The following STEAP1B variants were observed in gnomAD, a reference collection of about 807,000 sequenced individuals.
STEAP1B encodes STEAP family member 1B.
Under a neutral mutation model 27.9 loss-of-function variants are expected in STEAP1B, and 13 were observed. That is an observed-to-expected ratio of 0.47 (90% CI 0.30 to 0.74). The LOEUF is 0.74. STEAP1B is among the 30% of genes least tolerant of loss of function. The pLI, the probability that STEAP1B is intolerant of heterozygous loss-of-function variation, is 0.06. For synonymous variants in STEAP1B, 86 were observed against 107.1 expected, an observed-to-expected ratio of 0.80 and a Z score of 1.22; for missense variants, 250 against 298.7, an observed-to-expected ratio of 0.84 and a Z score of 1.20.
At chr7:22,439,049 G>C (rs1213842848) in intron 4 of STEAP1B, among the ~76,000 whole-genome samples, 2 of 152,128 alleles carry the variant, frequency 1.3e-5, no homozygotes, top group African/African-American at 4.8e-5. Flanking sequence ...AATGTTTGAT[G>C]ACATTTACTA....
At chr7:22,485,529 C>CT (rs1245440182) in intron 4 of STEAP1B, among the ~76,000 whole-genome samples, 1 of 152,154 alleles carries the variant, frequency 6.6e-6, no homozygotes, top group Non-Finnish European at 1.5e-5. Context: ...CACTCTGTTG[C>CT]TAAGGCTAGA....
intron 1 of STEAP1B, among the ~76,000 whole-genome samples, chr7:22,497,291 T>C (rs922838810): frequency 6.6e-6 from 1 of 152,206 alleles, no homozygotes; most frequent in African/African-American, 2.4e-5. Context: ...AAGCCTGCCA[T>C]GCTTTTTTCT....
At chr7:22,471,793 C>T (rs1002656472) in intron 4 of STEAP1B, among the ~76,000 whole-genome samples, 15 of 149,198 alleles carry the variant, frequency 1.0e-4, no homozygotes, top group African/African-American at 3.7e-4. Flanking sequence ...GTCCCAGCTA[C>T]TCAGGAAGCA....
chr7:22,454,479 A>G (rs757171399), intron 4 of STEAP1B, among the ~76,000 whole-genome samples: 16 of 152,086 alleles, frequency 1.1e-4, no homozygotes, highest in Non-Finnish European at 2.2e-4. Flanking sequence ...TGTACCTGAG[A>G]CACTTACTAC....
At chr7:22,478,362 G>A (rs1001535643) in intron 4 of STEAP1B, among the ~76,000 whole-genome samples, 11 of 152,146 alleles carry the variant, frequency 7.2e-5, no homozygotes, top group Non-Finnish European at 1.3e-4. Flanking sequence ...TCAGCCTACC[G>A]CTCCAAGATA....
intron 4 of STEAP1B, among the ~76,000 whole-genome samples, chr7:22,432,820 T>C (rs1486557434): frequency 6.6e-6 from 1 of 152,114 alleles, no homozygotes; most frequent in Admixed American, 6.6e-5. Flanking sequence ...ACAGCAAATG[T>C]GTACCATGAT....
At chr7:22,450,792 T>C (rs1785474884) in intron 4 of STEAP1B, among the ~76,000 whole-genome samples, 1 of 152,208 alleles carries the variant, frequency 6.6e-6, no homozygotes, top group African/African-American at 2.4e-5. Flanking sequence ...ATTGAATATT[T>C]TTCTATTTTG....
chr7:22,480,041 A>T (rs1278143712), intron 4 of STEAP1B, among the ~76,000 whole-genome samples: 2 of 152,212 alleles, frequency 1.3e-5, no homozygotes, highest in Non-Finnish European at 2.9e-5. Context: ...TGGGCAGAGC[A>T]GACAGAGGAC....
intron 4 of STEAP1B, among the ~76,000 whole-genome samples, chr7:22,459,867 C>T (rs75198623): frequency 0.03 from 4,526 of 152,318 alleles, 149 homozygotes; most frequent in Admixed American, 0.088. Flanking sequence ...GCAGGCAATT[C>T]TCTTTCCATT....
At chr7:22,461,853 G>A (rs148002516) in intron 4 of STEAP1B, among the ~76,000 whole-genome samples, 2 of 152,278 alleles carry the variant, frequency 1.3e-5, no homozygotes, top group Non-Finnish European at 2.9e-5. Flanking sequence ...GTGTTAAGTC[G>A]TTGGAACCTC....
chr7:22,487,729 T>G (rs1209427564), intron 4 of STEAP1B, among the ~76,000 whole-genome samples: 4 of 141,354 alleles, frequency 2.8e-5, no homozygotes, highest in Non-Finnish European at 6.0e-5. Context: ...CACTTGAACC[T>G]GGGAGGCGGA....
intron 4 of STEAP1B, among the ~76,000 whole-genome samples, chr7:22,444,184 C>A (rs760979412): frequency 3.9e-5 from 6 of 152,220 alleles, no homozygotes; most frequent in Non-Finnish European, 7.3e-5. Context: ...AGACCTTTAA[C>A]GTCTCTAGGC....
At chr7:22,453,235 C>T (rs1271145658) in intron 4 of STEAP1B, among the ~76,000 whole-genome samples, 1 of 152,216 alleles carries the variant, frequency 6.6e-6, no homozygotes, top group Non-Finnish European at 1.5e-5. Context: ...CCATCTCAAC[C>T]ATCTTTAGAA....
chr7:22,419,766 C>T lies in STEAP1B; in HGVS notation c.*38G>A, dbSNP rs184466029. On this transcript the variant is annotated 3_prime_UTR_variant, in exon 5 of 5. Coordinates refer to ENST00000678116, the MANE Select transcript of STEAP1B (RefSeq NM_001382447.1). ...GCAATCCAATGCTGTGCTCCAAAGC[C>T]TCGTTCTCATTTCCTCTCATGTTAC... 626 of 1,546,672 alleles carry T rather than the reference C, an allele frequency of 4.0e-4. 4 individuals carry two copies. The African/African-American group carries it at 8.2e-3, about 20-fold the overall frequency.
intron 1 of STEAP1B, among the ~76,000 whole-genome samples, chr7:22,495,941 A>G (rs1449318620): frequency 1.3e-5 from 2 of 152,112 alleles, no homozygotes; most frequent in Non-Finnish European, 2.9e-5. Context: ...TGTGAAGTGT[A>G]CTCCTTCTAC....
chr7:22,499,441 T>A (rs1368446111), intron 1 of STEAP1B, among the ~76,000 whole-genome samples: 1 of 152,200 alleles, frequency 6.6e-6, no homozygotes, highest in Non-Finnish European at 1.5e-5. Context: ...GTGCTTAACA[T>A]TCATGTTAAA....
chr7:22,494,077 A>AT (rs1362975653), intron 2 of STEAP1B, among the ~76,000 whole-genome samples: 1 of 137,188 alleles, frequency 7.3e-6, no homozygotes, highest in Non-Finnish European at 1.6e-5. Context: ...AAATGAAATT[A>AT]TTTCATTTTA....
chr7:22,436,337 C>T (rs1219579263), intron 4 of STEAP1B, among the ~76,000 whole-genome samples: 3 of 152,126 alleles, frequency 2.0e-5, no homozygotes, highest in Non-Finnish European at 4.4e-5. Flanking sequence ...AAACATCCAT[C>T]ACATCAAAAA....
At chr7:22,436,275 G>A (rs1320621706) in intron 4 of STEAP1B, among the ~76,000 whole-genome samples, 6 of 152,146 alleles carry the variant, frequency 3.9e-5, no homozygotes, top group Non-Finnish European at 1.5e-5. Context: ...ACAACTTGGT[G>A]AGTTTGGAGA....
Sources: gnomAD v4.1 joint callset for allele counts (sites outside exome capture counted in the v4.1 genomes callset) on GRCh38, gnomAD v4.1.1 for gene constraint, MANE v1.5 for transcripts, NCBI Gene and HGNC (gene_info 2026-07-23, HGNC 2026-07-21) for gene names.